Variants in VPS37C observed in about 807,000 individuals in gnomAD.
VPS37C encodes VPS37C subunit of ESCRT-I.
In VPS37C, 9 loss-of-function variants were observed where a neutral mutation model predicts 16.1. The observed-to-expected ratio is 0.56, with a 90% CI of 0.34 to 0.97. The LOEUF is 0.97. Among genes scored for constraint, VPS37C ranks in the 50% least tolerant of loss-of-function variants. The pLI, the probability that VPS37C is intolerant of heterozygous loss-of-function variation, is 0.02. For synonymous variants in VPS37C, 207 were observed against 206.4 expected, an observed-to-expected ratio of 1.00 and a Z score of -0.02; for missense variants, 479 against 472.7, an observed-to-expected ratio of 1.01 and a Z score of -0.12.
At chr11:61,134,893 C>T (rs1287725668) in intron 2 of VPS37C, among the ~76,000 whole-genome samples, 1 of 152,250 alleles carries the variant, frequency 6.6e-6, no homozygotes, top group Non-Finnish European at 1.5e-5. Flanking sequence ...TTCGTCGCTG[C>T]CAGCCAGTGA....
rs1472792252 is a variant in VPS37C, at chr11:61,134,198, G to C, written c.103C>G (p.Leu35Val). ...LALESPEVQD[L>V]QLEREMALAT... ...AGTGCCATCTCCCGTTCCAGCTGTA[G>C]GTCCTGGACCTAAAAGGGCAGGACA... Residue 35 changes from leucine to valine, a missense_variant, in exon 3 of 5, where the codon CTA (leucine) becomes GTA (valine). Transcript: ENST00000301765. 1.9e-6 allele frequency: 3 copies of C among 1,611,562 alleles called. No individual in the cohort carries two copies. The highest frequency in any genetic ancestry group is 2.2e-5 in the East Asian group (1 of 44,774).
Position 61,131,926 on chromosome 11 carries a change from G to A in VPS37C, c.962C>T (p.Pro321Leu). 1 of 1,295,776 alleles carries A rather than the reference G, an allele frequency of 7.7e-7. No homozygotes were observed. Among genetic ancestry groups the A allele is most frequent in the East Asian group, 3.1e-5 (1 of 31,998 alleles). 80.3% of individuals were successfully genotyped at this position (1,295,776 alleles called of 1,614,324 possible). A position where few individuals can be genotyped will look rare whatever the true frequency, so the allele number is the denominator to read the frequency against. The change falls in exon 5 of 5, where the codon CCA becomes CTA. Residue 321 changes from proline (P) to leucine (L), a missense_variant. Coordinates refer to ENST00000301765, the MANE Select transcript of VPS37C (RefSeq NM_017966.5). ...YPIQPQLPSF[P>L]GQPQPSVPLQ... is the part of the protein sequence containing the mutation. ...GGGCACTGAGGGCTGGGGCTGGCCTGGAAAGCTGGGGAGCTGAGGCTGTAT... is the reference window on the plus strand; with the variant it reads ...GGGCACTGAGGGCTGGGGCTGGCCTAGAAAGCTGGGGAGCTGAGGCTGTAT...
chr11:61,150,204 G>A (rs1294605990), intron 1 of VPS37C, among the ~76,000 whole-genome samples: 1 of 152,090 alleles, frequency 6.6e-6, no homozygotes, highest in Non-Finnish European at 1.5e-5. Context: ...TCAGACATGT[G>A]GGTCCCCCCC....
intron 2 of VPS37C, among the ~76,000 whole-genome samples, chr11:61,137,083 G>A (rs1233955501): frequency 6.6e-6 from 1 of 152,088 alleles, no homozygotes; most frequent in Non-Finnish European, 1.5e-5. Context: ...ATAAGTTACG[G>A]TGTTTCCCTT....
chr11:61,137,945 TA>T (rs1861409043), intron 2 of VPS37C, among the ~76,000 whole-genome samples: 1 of 152,148 alleles, frequency 6.6e-6, no homozygotes, highest in Non-Finnish European at 1.5e-5. Context: ...GGAACGTCAT[TA>T]TTTTTTTCAA....
intron 1 of VPS37C, among the ~76,000 whole-genome samples, chr11:61,148,811 A>G (rs1304648549): frequency 2.0e-5 from 3 of 152,162 alleles, no homozygotes; most frequent in Non-Finnish European, 4.4e-5. Flanking sequence ...AAAGTAGCTC[A>G]CTTCACAGCC....
chr11:61,155,321 A>C (rs1198478206), intron 1 of VPS37C, among the ~76,000 whole-genome samples: 1 of 151,944 alleles, frequency 6.6e-6, no homozygotes, highest in East Asian at 1.9e-4. Flanking sequence ...CTATCTCTAC[A>C]AAAATAAAGA....
intron 1 of VPS37C, among the ~76,000 whole-genome samples, chr11:61,146,000 G>A (rs938531774): frequency 2.6e-5 from 4 of 152,172 alleles, no homozygotes; most frequent in South Asian, 2.1e-4. Context: ...AGAATAAATC[G>A]ACCCCTTGAA....
At chr11:61,139,446 G>GA (rs34025392) in intron 1 of VPS37C, among the ~76,000 whole-genome samples, 75 of 148,046 alleles carry the variant, frequency 5.1e-4, no homozygotes, top group African/African-American at 8.2e-4. Flanking sequence ...ATAGAAGCAG[G>GA]AAAAAAAAAA....
At chr11:61,143,805 C>G (rs1278343830) in intron 1 of VPS37C, 1 of 151,704 alleles carries the variant, frequency 6.6e-6, no homozygotes, top group South Asian at 2.1e-4. Context: ...GGATTACAGG[C>G]GTGCAACACC....
intron 1 of VPS37C, among the ~76,000 whole-genome samples, chr11:61,149,952 T>TCTATCAGCACGC (rs1396298101): frequency 1.3e-5 from 2 of 152,074 alleles, no homozygotes; most frequent in Non-Finnish European, 2.9e-5. Context: ...GCTGGGAGGC[T>TCTATCAGCACGC]CTATCAGCAC....
rs932639241 is a variant in VPS37C at position 61,131,923 on chromosome 11, C to T, written c.965G>A (p.Gly322Asp). Residue 322 changes from glycine to aspartate, a missense_variant, in exon 5 of 5, where the codon GGC (glycine) becomes GAC (aspartate). By Grantham distance (94) the Gly-to-Asp change is moderately conservative. Coordinates refer to ENST00000301765, the MANE Select transcript of VPS37C (RefSeq NM_017966.5). ...CAGGGGCACTGAGGGCTGGGGCTGG[C>T]CTGGAAAGCTGGGGAGCTGAGGCTG... ...PIQPQLPSFP[G>D]QPQPSVPLQP... The T allele has an allele frequency of 1.5e-6, 2 of 1,293,660 alleles. No homozygotes were observed. The highest frequency in any genetic ancestry group is 3.1e-5 in the African/African-American group (2 of 64,756). The allele number at this position is 1,293,660 out of a possible 1,614,324, so 80.1% of individuals were successfully genotyped here.
At chr11:61,157,526 T>C (rs1298551715) in intron 1 of VPS37C, among the ~76,000 whole-genome samples, 2 of 152,250 alleles carry the variant, frequency 1.3e-5, no homozygotes, top group African/African-American at 4.8e-5. Context: ...TTATTGGTCA[T>C]TTGTGTATCT....
At chr11:61,135,187 G>A (rs1861345372) in intron 2 of VPS37C, among the ~76,000 whole-genome samples, 1 of 152,252 alleles carries the variant, frequency 6.6e-6, no homozygotes. Flanking sequence ...AAGCCAGACT[G>A]GCTCATGCCC....
intron 1 of VPS37C, among the ~76,000 whole-genome samples, chr11:61,159,091 C>T (rs1428608746): frequency 6.6e-6 from 1 of 152,214 alleles, no homozygotes; most frequent in Non-Finnish European, 1.5e-5. Context: ...TGGAAAACCC[C>T]TACTATTACT....
chr11:61,159,447 C>T (rs1407530997), intron 1 of VPS37C, among the ~76,000 whole-genome samples: 2 of 152,132 alleles, frequency 1.3e-5, no homozygotes, highest in Non-Finnish European at 2.9e-5. Context: ...GTCTGAGAGG[C>T]AGTATCACAG....
chr11:61,147,750 C>A (rs1853236344), intron 1 of VPS37C, among the ~76,000 whole-genome samples: 1 of 152,018 alleles, frequency 6.6e-6, no homozygotes. Flanking sequence ...ACAGTGAGGG[C>A]ACTGAGATGA....
At chr11:61,144,710 G>A (rs1297397329) in intron 1 of VPS37C, 2 of 152,392 alleles carry the variant, frequency 1.3e-5, no homozygotes, top group Non-Finnish European at 2.9e-5. Flanking sequence ...CATGAGACGA[G>A]TGCCCAAGCT....
In VPS37C at chr11:61,138,850, A is replaced by G; in HGVS notation, c.-6-15T>C. 1 of 1,613,088 alleles carries G rather than the reference A, an allele frequency of 6.2e-7. No homozygotes were observed. The highest frequency in any genetic ancestry group is 8.5e-7 in the Non-Finnish European group (1 of 1,179,176). On this transcript the variant is annotated splice_polypyrimidine_tract_variant and intron_variant, in intron 1 of 4. Transcript: ENST00000301765. ...TCCATCCTTCCCTGTGAACACAGTG[A>G]CACCAAAGTAACGAACAGGCAGCCC...
Sources: allele counts gnomAD v4.1 joint callset (sites outside exome capture counted in the v4.1 genomes callset), GRCh38; gene constraint gnomAD v4.1.1; transcripts MANE v1.5; gene names NCBI Gene and HGNC (gene_info 2026-07-23, HGNC 2026-07-21).